The following ACOT7 variants were observed in gnomAD, a reference collection of about 807,000 sequenced individuals.
ACOT7 encodes the protein acyl-CoA thioesterase 7.
ACOT7 carries 12 observed loss-of-function variants against 40.2 expected under a neutral mutation model. The ratio of observed to expected loss-of-function variants is 0.30; its 90% CI spans 0.19 to 0.48. The LOEUF (loss-of-function observed/expected upper bound fraction) is 0.48. ACOT7 is among the 20% of genes least tolerant of loss of function. ACOT7 has a pLI of 0.99. For missense variants in ACOT7, 395 were observed against 530.8 expected (o/e 0.74, Z 2.51); for synonymous variants, 228 against 219.5 (o/e 1.04, Z -0.34).
rs1275956967 is a variant in ACOT7 at position 6,351,979 on chromosome 1, GTGCC to G, written c.144-2117_144-2114del. ...AAGTGAGGACTCGGCACTTGGCGCTGTGCCATCAGGAGTACATGCCAGGAACTGC... is the reference window on the plus strand; with the variant it reads ...AAGTGAGGACTCGGCACTTGGCGCTGATCAGGAGTACATGCCAGGAACTGC... On this transcript the variant is annotated intron_variant, in intron 1 of 8. Coordinates refer to ENST00000361521, the MANE Select transcript of ACOT7 (RefSeq NM_007274.4). Among the ~76,000 whole-genome samples the G allele has an allele frequency of 6.6e-5, 10 of 152,306 alleles. No individual in the cohort carries two copies. In the East Asian group the frequency reaches 1.9e-3, roughly 29 times the overall value.
In ACOT7 at chr1:6,316,106, A is replaced by G. The variant is rs141629281; in HGVS notation, c.712+2386T>C. Among the ~76,000 whole-genome samples the G allele has an allele frequency of 3.5e-3, 532 of 152,312 alleles. 2 individuals carry two copies. Among genetic ancestry groups the G allele is most frequent in the Middle Eastern group, 0.02 (6 of 294 alleles). On this transcript the variant is annotated intron_variant, in intron 6 of 8. Coordinates refer to ENST00000361521, the MANE Select transcript of ACOT7 (RefSeq NM_007274.4). The stretch of plus-strand genomic sequence containing the variant: ...CCCCATTTAGTGAAGAACGTCTAAC[A>G]TGTCGACAAAGTAAGCAGAACTCAT...
At chr1:6,360,552 T>C (rs2148466066) in intron 1 of ACOT7, 2 of 1,614,042 alleles carry the variant, frequency 1.2e-6, no homozygotes, top group Non-Finnish European at 1.7e-6. Context: ...CCATAGTTCC[T>C]CTCAGCTCCC....
rs765262733 is a variant in ACOT7, at chr1:6,304,393, CT to C, written c.713-9414del. Among the ~76,000 whole-genome samples, 669 of 111,072 alleles carry C rather than the reference CT, an allele frequency of 6.0e-3. 2 individuals are homozygous for C. Among genetic ancestry groups the C allele is most frequent in the South Asian group, 0.013 (42 of 3,254 alleles). 72.9% of individuals were successfully genotyped at this position (111,072 alleles called of 152,430 possible). On this transcript the variant is annotated intron_variant, in intron 6 of 8. Coordinates refer to ENST00000361521, the MANE Select transcript of ACOT7 (RefSeq NM_007274.4). ...CCGTACACAGGTAGAAAAGTACGTT[CT>C]TTTTTTTTTTTTTTTTTTAATTGAT...
chr1:6,391,674 G>A (rs1181524599), intron 1 of ACOT7, among the ~76,000 whole-genome samples: 1 of 152,176 alleles, frequency 6.6e-6, no homozygotes, highest in Non-Finnish European at 1.5e-5. Flanking sequence ...ACTGGATCTG[G>A]AGTCAGAAGA....
chr1:6,368,790 G>A (rs903304862), intron 1 of ACOT7, among the ~76,000 whole-genome samples: 15 of 152,142 alleles, frequency 9.9e-5, no homozygotes, highest in Non-Finnish European at 2.1e-4. Context: ...GGGAATGCAG[G>A]GCACAGGGGA....
intron 1 of ACOT7, among the ~76,000 whole-genome samples, chr1:6,388,108 CT>C (rs200335026): frequency 0.075 from 11,339 of 150,768 alleles, 483 homozygotes; most frequent in Non-Finnish European, 0.091. Context: ...GCCCAGCTAA[CT>C]TTTTTTTCTT....
intron 4 of ACOT7, among the ~76,000 whole-genome samples, chr1:6,329,636 T>C (rs1640901183): frequency 6.6e-6 from 1 of 151,808 alleles, no homozygotes; most frequent in African/African-American, 2.4e-5. Flanking sequence ...TCCTCCCCAA[T>C]GCTGCCTTTC....
At chr1:6,302,529 C>T (rs1304372482) in intron 6 of ACOT7, among the ~76,000 whole-genome samples, 4 of 152,054 alleles carry the variant, frequency 2.6e-5, no homozygotes, top group African/African-American at 9.7e-5. Flanking sequence ...CCTCCACCCA[C>T]CCCAGTCTGT....
At chr1:6,267,175 C>G (rs1292506713) in intron 8 of ACOT7, among the ~76,000 whole-genome samples, 3 of 152,220 alleles carry the variant, frequency 2.0e-5, no homozygotes, top group African/African-American at 7.2e-5. Flanking sequence ...AAGCCCCCAC[C>G]CAGCCCACAG....
At chr1:6,324,044 C>T (rs539800816) in intron 5 of ACOT7, among the ~76,000 whole-genome samples, 1 of 151,946 alleles carries the variant, frequency 6.6e-6, no homozygotes, top group East Asian at 1.9e-4. Flanking sequence ...CAAGCACATA[C>T]GCACACTCTT....
chr1:6,295,078 T>G, intron 6 of ACOT7, 98 bp from the exon 7 acceptor site: 1 of 893,004 alleles, frequency 1.1e-6, no homozygotes, highest in Non-Finnish European at 1.7e-6. Flanking sequence ...CCCCTCCCAC[T>G]AGCCACCAGC....
chr1:6,285,184 G>C (rs1409721839), intron 7 of ACOT7, among the ~76,000 whole-genome samples: 3 of 152,166 alleles, frequency 2.0e-5, no homozygotes, highest in Non-Finnish European at 2.9e-5. Flanking sequence ...CTGGGGTGTG[G>C]GTCACATGTG....
rs902796270 is a variant in ACOT7, at chr1:6,338,793, G to A, written c.418+640C>T. Among the ~76,000 whole-genome samples, 2 of 152,128 alleles carry A rather than the reference G, an allele frequency of 1.3e-5. No individual in the cohort carries two copies. Among genetic ancestry groups the A allele is most frequent in the African/African-American group, 4.8e-5 (2 of 41,424 alleles). ...GAGAGGACCAGGGGCAGGGGAAGAG[G>A]CCCGCCTTCCCCCTCACCTCCCGTC... On this transcript the variant is annotated intron_variant, in intron 3 of 8. Coordinates refer to ENST00000361521, the MANE Select transcript of ACOT7 (RefSeq NM_007274.4). The surrounding 1 kb of genome is among the most constrained non-coding windows in gnomAD (Gnocchi z 4.4).
At chr1:6,281,442 T>C (rs1020833429) in intron 7 of ACOT7, among the ~76,000 whole-genome samples, 156 bp from the exon 8 acceptor site, 1 of 152,218 alleles carries the variant, frequency 6.6e-6, no homozygotes, top group Non-Finnish European at 1.5e-5. Flanking sequence ...TTAGAATGTG[T>C]CGTTAGTTGC....
intron 1 of ACOT7, among the ~76,000 whole-genome samples, chr1:6,351,731 A>T (rs1015016834): frequency 1.3e-5 from 2 of 152,228 alleles, no homozygotes; most frequent in Admixed American, 1.3e-4. Flanking sequence ...TGCAGGCCTC[A>T]CTTTGCCTGT....
intron 8 of ACOT7, among the ~76,000 whole-genome samples, chr1:6,266,044 TAAAG>T (rs1394384644): frequency 6.6e-6 from 1 of 152,182 alleles, no homozygotes; most frequent in African/African-American, 2.4e-5. Context: ...TTCGGGTATT[TAAAG>T]AAATAGGTGG....
Position 6,301,524 on chromosome 1 carries a change from T to C in ACOT7, c.713-6544A>G, listed in dbSNP as rs1331385765. Reference sequence around the variant, plus strand: ...CCAGACCACACTGCATGATGTGACATGGACGCCTGCACTGGGTGAGGACCT... The same window carrying C: ...CCAGACCACACTGCATGATGTGACACGGACGCCTGCACTGGGTGAGGACCT... On this transcript the variant is annotated intron_variant, in intron 6 of 8. Transcript: ENST00000361521. This position sits in a 1 kb window ranked among gnomAD's most constrained non-coding sequence, Gnocchi z 4.1. 6.6e-6 allele frequency among the ~76,000 whole-genome samples: 1 copy of C among 152,160 alleles called. No homozygotes were observed. The highest frequency in any genetic ancestry group is 2.4e-5 in the African/African-American group (1 of 41,448).
intron 3 of ACOT7, among the ~76,000 whole-genome samples, chr1:6,333,860 C>G (rs1015131425): frequency 3.3e-5 from 5 of 152,296 alleles, no homozygotes; most frequent in Non-Finnish European, 5.9e-5. Flanking sequence ...GCATGCCCCC[C>G]CAAAACTGGC....
Position 6,289,094 on chromosome 1 carries a change from G to C in ACOT7, c.829+5770C>G, listed in dbSNP as rs1189845004. Among the ~76,000 whole-genome samples, 3 of 152,110 alleles carry C rather than the reference G, an allele frequency of 2.0e-5. No homozygotes were observed. The highest frequency in any genetic ancestry group is 7.2e-5 in the African/African-American group (3 of 41,420). On this transcript the variant is annotated intron_variant, in intron 7 of 8. Coordinates refer to ENST00000361521, the MANE Select transcript of ACOT7 (RefSeq NM_007274.4). This position sits in a 1 kb window ranked among gnomAD's most constrained non-coding sequence, Gnocchi z 4.6. ...CCATTCCGCATTCCCACTGTTTTCT[G>C]GTTATTTTATTTTATTTTTTTTTGA...
Sources: gnomAD v4.1 joint callset for allele counts (sites outside exome capture counted in the v4.1 genomes callset) on GRCh38, gnomAD v4.1.1 for gene constraint, Gnocchi (gnomAD v3.1) non-coding constraint, MANE v1.5 for transcripts, NCBI Gene and HGNC (gene_info 2026-07-23, HGNC 2026-07-21) for gene names.